GTF2F1: variants seen among roughly 807,000 people sequenced by gnomAD.
GTF2F1 encodes the protein general transcription factor IIF subunit 1, also known as general transcription factor IIF 74 kDa subunit.
Under a neutral mutation model 63.5 loss-of-function variants are expected in GTF2F1, and 39 were observed. The ratio of observed to expected loss-of-function variants is 0.61; its 90% CI spans 0.48 to 0.80. The LOEUF (loss-of-function observed/expected upper bound fraction) is 0.80. Among genes scored for constraint, GTF2F1 ranks in the 30% least tolerant of loss-of-function variants. The pLI is 0.00. For missense variants in GTF2F1, 657 were observed against 718.3 expected (o/e 0.91, Z 0.97); for synonymous variants, 287 against 285.3 (o/e 1.01, Z -0.06).
Position 6,389,630 on chromosome 19 carries a change from A to C in GTF2F1, c.140T>G (p.Leu47Arg). Residue 47 changes from leucine (L) to arginine (R), a missense_variant, in exon 4 of 13, where the codon CTG (leucine) becomes CGG (arginine). Leu to Arg is a moderately radical substitution (Grantham distance 102). Transcript: ENST00000394456. ...TTTCTTGTTGCTCAAGTCCCGCTCC[A>C]GCCGAGCCTAGGGGAGCAGGAAGCA... Reference protein sequence around the residue: ...VNFATWNQARLERDLSNKKIY... With the variant: ...VNFATWNQARRERDLSNKKIY... 1.2e-6 allele frequency: 2 copies of C among 1,613,454 alleles called. No individual in the cohort carries two copies. Among genetic ancestry groups the C allele is most frequent in the Non-Finnish European group, 1.7e-6 (2 of 1,179,954 alleles).
rs190305979 is a variant in GTF2F1 at position 6,380,685 on chromosome 19, G to T, written c.1237C>A (p.Arg413=). 72 of 1,610,654 alleles carry T rather than the reference G, an allele frequency of 4.5e-5. No homozygotes were observed. Among genetic ancestry groups the T allele is most frequent in the Non-Finnish European group, 5.9e-5 (70 of 1,179,794 alleles). The change falls in exon 12 of 13, where the codon CGG becomes AGG. Residue 413 remains arginine, a synonymous_variant. Transcript: ENST00000394456. The surrounding 1 kb of genome is among the most constrained non-coding windows in gnomAD (Gnocchi z 5.3). The part of the protein sequence containing the change: ...AAASKLEQGK[R]VSEMPAAKRL... Reference sequence around the variant, plus strand: ...TTGGCTGCAGGCATCTCGCTCACCCGCTTCCCTGTGGGAGTGGGGTCAGGG... The same window carrying T: ...TTGGCTGCAGGCATCTCGCTCACCCTCTTCCCTGTGGGAGTGGGGTCAGGG...
chr19:6,392,039 C>T (rs543733114), intron 2 of GTF2F1, 65 bp from the exon 3 acceptor site: 22 of 818,764 alleles, frequency 2.7e-5, no homozygotes, highest in Non-Finnish European at 4.3e-5. Context: ...TTTAATCAGT[C>T]AATGCTATTG....
chr19:6,388,170 TCCGC>T (rs1360942496), intron 4 of GTF2F1, among the ~76,000 whole-genome samples: 1 of 151,428 alleles, frequency 6.6e-6, no homozygotes, highest in African/African-American at 2.4e-5. Context: ...CCCCACGTAA[TCCGC>T]CCGCCTCTGC....
Position 6,387,497 on chromosome 19 carries a change from C to T in GTF2F1, c.389G>A (p.Cys130Tyr). 2 of 1,614,234 alleles carry T rather than the reference C, an allele frequency of 1.2e-6. No homozygotes were observed. The highest frequency in any genetic ancestry group is 4.5e-5 in the East Asian group (2 of 44,886). ...GAAGGCCTCGAAGGCCCCGTCGGGG[C>T]ACTGGGTGAAGATGTAGTAGGACGT... ...ENTSYYIFTQ[C>Y]PDGAFEAFPV... The change falls in exon 5 of 13, where the codon TGC becomes TAC. Residue 130 changes from cysteine (C) to tyrosine (Y), a missense_variant. Cys to Tyr is a radical substitution (Grantham distance 194). Coordinates refer to ENST00000394456, the MANE Select transcript of GTF2F1 (RefSeq NM_002096.3).
intron 2 of GTF2F1, 112 bp from the exon 3 acceptor site, chr19:6,392,086 A>G (rs945686290): frequency 2.9e-6 from 2 of 682,830 alleles, no homozygotes; most frequent in East Asian, 2.8e-5. Context: ...CTGGATCGTT[A>G]ATTCAATCAA....
Position 6,383,563 on chromosome 19 carries a change from C to A in GTF2F1, c.498-68G>T. 6.5e-7 allele frequency: 1 copy of A among 1,534,836 alleles called. No homozygotes were observed. Among genetic ancestry groups the A allele is most frequent in the South Asian group, 1.1e-5 (1 of 88,278 alleles). ...ACCCTGCATCTGTGCTTGCAGGGGG[C>A]GAGCCCCAGGGCACCACCCACATAG... On this transcript the variant is annotated intron_variant, in intron 5 of 12. Coordinates refer to ENST00000394456, the MANE Select transcript of GTF2F1 (RefSeq NM_002096.3). This position sits in a 1 kb window ranked among gnomAD's most constrained non-coding sequence, Gnocchi z 4.5.
chr19:6,389,006 C>G (rs60965685), intron 4 of GTF2F1, among the ~76,000 whole-genome samples: 17,883 of 151,796 alleles, frequency 0.12, 1,564 homozygotes, highest in East Asian at 0.39. Context: ...CTACGGGAGG[C>G]CGAGGCGGGA....
Position 6,387,530 on chromosome 19 carries a change from G to T in GTF2F1, c.356C>A (p.Thr119Lys), listed in dbSNP as rs1367113249. Residue 119 changes from threonine (T) to lysine (K), a missense_variant, in exon 5 of 13, where the codon ACA becomes AAA. Around this residue, in one of 2 missense-constraint regions of GTF2F1, gnomAD observed 602 missense variants for 625.6 expected, o/e 0.96. Coordinates refer to ENST00000394456, the MANE Select transcript of GTF2F1 (RefSeq NM_002096.3). The stretch of plus-strand genomic sequence containing the variant: ...GAAGATGTAGTAGGACGTGTTCTCT[G>T]TTACGCCTCCCTTCTTGATGCCCTT... ...KFKGIKKGGVTENTSYYIFTQ... is the reference protein window; with the variant it reads ...KFKGIKKGGVKENTSYYIFTQ... The T allele has an allele frequency of 6.2e-7, 1 of 1,614,206 alleles. No individual in the cohort carries two copies. The highest frequency in any genetic ancestry group is 2.2e-5 in the East Asian group (1 of 44,874).
intron 3 of GTF2F1, chr19:6,390,512 A>G (rs1489601242): frequency 1.5e-5 from 2 of 132,326 alleles, no homozygotes; most frequent in Non-Finnish European, 3.1e-5. Flanking sequence ...CTGGCGCTGC[A>G]CTCCAGTCTG....
intron 5 of GTF2F1, among the ~76,000 whole-genome samples, chr19:6,386,258 C>T (rs113270141): frequency 6.6e-6 from 1 of 151,102 alleles, no homozygotes; most frequent in East Asian, 2.0e-4. Context: ...GTGGTGCATG[C>T]CTGTAATCCC....
rs1376662390 is a variant in GTF2F1, at chr19:6,380,742, G to A, written c.1232-52C>T. ...CTTGCAGGCAGGAGGCAGAACCCCT[G>A]GGCAGGACCCCAGGCTGGGCAGTGC... On this transcript the variant is annotated intron_variant, in intron 11 of 12. Transcript: ENST00000394456. The surrounding 1 kb of genome is among the most constrained non-coding windows in gnomAD (Gnocchi z 5.3). 1 of 1,585,462 alleles carries A rather than the reference G, an allele frequency of 6.3e-7. No homozygotes were observed. The highest frequency in any genetic ancestry group is 1.7e-5 in the Admixed American group (1 of 59,864).
chr19:6,382,034 C>A (rs2091954343), intron 6 of GTF2F1, among the ~76,000 whole-genome samples, 184 bp from the exon 7 acceptor site: 1 of 152,054 alleles, frequency 6.6e-6, no homozygotes, highest in Non-Finnish European at 1.5e-5. Flanking sequence ...AGACCCCACA[C>A]CCCCACCCAC....
intron 6 of GTF2F1, among the ~76,000 whole-genome samples, chr19:6,382,131 G>A (rs201868539): frequency 3.3e-5 from 5 of 152,070 alleles, no homozygotes; most frequent in East Asian, 1.9e-4. Flanking sequence ...CCTACAGCCC[G>A]GAGCGCACAG....
At position 6,381,398 on chromosome 19, in the gene GTF2F1, T is replaced by TCTCCTC. The variant is rs753012629; in HGVS notation, c.973_978dup (p.Glu325_Glu326dup). The TCTCCTC allele has an allele frequency of 6.2e-7, 1 of 1,609,908 alleles. No individual in the cohort carries two copies. Among genetic ancestry groups the TCTCCTC allele is most frequent in the Non-Finnish European group, 8.5e-7 (1 of 1,178,634 alleles). On this transcript the variant is annotated inframe_insertion, in exon 9 of 13. Transcript: ENST00000394456. The surrounding 1 kb of genome is among the most constrained non-coding windows in gnomAD (Gnocchi z 4.1). ...TTCTCCTGCGGGGTGGGTGCCTTCT[T>TCTCCTC]CTCCTCCTCCTCCTCCTTGTCCTCC... is the stretch of plus-strand genomic sequence containing the variant.
In GTF2F1 at chr19:6,383,522, T is replaced by C; in HGVS notation, c.498-27A>G. On this transcript the variant is annotated intron_variant, in intron 5 of 12. Coordinates refer to ENST00000394456, the MANE Select transcript of GTF2F1 (RefSeq NM_002096.3). The surrounding 1 kb of genome is among the most constrained non-coding windows in gnomAD (Gnocchi z 4.5). ...TGCGGGCCAGGCACAGGGGGGCTCA[T>C]GCCGGGCCTGGCACCACCCTGCATC... 6.2e-7 allele frequency: 1 copy of C among 1,605,756 alleles called. No individual in the cohort carries two copies. Among genetic ancestry groups the C allele is most frequent in the Non-Finnish European group, 8.5e-7 (1 of 1,175,684 alleles).
chr19:6,392,111 T>C (rs1355944081), intron 2 of GTF2F1, 137 bp from the exon 3 acceptor site: 4 of 678,136 alleles, frequency 5.9e-6, no homozygotes, highest in Non-Finnish European at 1.1e-5. Context: ...TTACTTTAAT[T>C]CAATCACTCA....
chr19:6,389,630 A>G lies in GTF2F1; in HGVS notation c.140T>C (p.Leu47Pro). 5 of 1,613,454 alleles carry G rather than the reference A, an allele frequency of 3.1e-6. No individual in the cohort carries two copies. The highest frequency in any genetic ancestry group is 4.2e-6 in the Non-Finnish European group (5 of 1,179,954). ...TTTCTTGTTGCTCAAGTCCCGCTCC[A>G]GCCGAGCCTAGGGGAGCAGGAAGCA... Reference protein sequence around the residue: ...VNFATWNQARLERDLSNKKIY... With the variant: ...VNFATWNQARPERDLSNKKIY... Residue 47 changes from leucine to proline, a missense_variant, in exon 4 of 13, where the codon CTG becomes CCG. Around this residue, in one of 2 missense-constraint regions of GTF2F1, gnomAD observed 602 missense variants for 625.6 expected, o/e 0.96. Transcript: ENST00000394456.
At chr19:6,384,964 A>G (rs1311121337) in intron 5 of GTF2F1, among the ~76,000 whole-genome samples, 1 of 151,918 alleles carries the variant, frequency 6.6e-6, no homozygotes, top group East Asian at 1.9e-4. Flanking sequence ...CTGTATTTTT[A>G]GTAGAGATGG....
intron 2 of GTF2F1, chr19:6,392,311 G>A: frequency 2.1e-6 from 1 of 486,104 alleles, no homozygotes; most frequent in Non-Finnish European, 4.0e-6. Flanking sequence ...CCAGGCAGAA[G>A]AAGAGCAGAT....
Sources: allele counts gnomAD v4.1 joint callset (sites outside exome capture counted in the v4.1 genomes callset), GRCh38; gene constraint gnomAD v4.1.1; regional missense constraint gnomAD v4.1.1; non-coding constraint Gnocchi (gnomAD v3.1); transcripts MANE v1.5; gene names NCBI Gene and HGNC (gene_info 2026-07-23, HGNC 2026-07-21).